The following DCC variants were observed in gnomAD, a reference collection of about 807,000 sequenced individuals.
DCC encodes netrin receptor DCC.
DCC carries 58 observed loss-of-function variants against 172.5 expected under a neutral mutation model. The observed-to-expected ratio is 0.34, with a 90% CI of 0.27 to 0.42. The LOEUF is 0.42. DCC is among the 10% of genes least tolerant of loss of function. The pLI is 1.00. For synonymous variants in DCC, 709 were observed against 644.5 expected, an observed-to-expected ratio of 1.10 and a Z score of -1.52; for missense variants, 1,740 against 1,791.0, an observed-to-expected ratio of 0.97 and a Z score of 0.51.
chr18:52,439,957 G>A lies in DCC; in HGVS notation c.91+99079G>A, dbSNP rs1010993936. Among the ~76,000 whole-genome samples the A allele has an allele frequency of 5.3e-5, 8 of 152,328 alleles. No individual in the cohort carries two copies. In the East Asian group the frequency reaches 1.5e-3, roughly 29 times the overall value. The stretch of plus-strand genomic sequence containing the variant: ...GGTATAAGGAAATAAACGGGGCATA[G>A]CTGTTTTCCCAGGAAGGAAGGCACA... On this transcript the variant is annotated intron_variant, in intron 1 of 28. Transcript: ENST00000442544.
chr18:52,745,692 T>C (rs2036895829), intron 1 of DCC, among the ~76,000 whole-genome samples: 1 of 152,206 alleles, frequency 6.6e-6, no homozygotes, highest in South Asian at 2.1e-4. Flanking sequence ...ACCAAATTAT[T>C]GTTAACTTTA....
intron 1 of DCC, among the ~76,000 whole-genome samples, chr18:52,458,765 G>A (rs1988536638): frequency 6.6e-6 from 1 of 152,152 alleles, no homozygotes; most frequent in Admixed American, 6.5e-5. Flanking sequence ...AACAGGCATT[G>A]TGCTACATAC....
At chr18:52,904,911 TTTCA>T (rs1209760126) in intron 2 of DCC, among the ~76,000 whole-genome samples, 1 of 152,198 alleles carries the variant, frequency 6.6e-6, no homozygotes, top group African/African-American at 2.4e-5. Context: ...GCCAGTGGTC[TTTCA>T]TTGATGGCAC....
chr18:53,332,596 A>G (rs1461047403), intron 14 of DCC, among the ~76,000 whole-genome samples: 1 of 152,158 alleles, frequency 6.6e-6, no homozygotes, highest in Non-Finnish European at 1.5e-5. Context: ...ATACAAATCA[A>G]TAAGTAAATA....
intron 1 of DCC, among the ~76,000 whole-genome samples, chr18:52,737,792 C>T (rs1303062101): frequency 6.6e-6 from 1 of 152,138 alleles, no homozygotes; most frequent in Non-Finnish European, 1.5e-5. Flanking sequence ...CGATGAAGAA[C>T]TTCACCTGGA....
chr18:53,306,000 A>G (rs1054531250), intron 13 of DCC, among the ~76,000 whole-genome samples: 5 of 152,226 alleles, frequency 3.3e-5, no homozygotes, highest in Non-Finnish European at 5.9e-5. Flanking sequence ...AGCATCTGTT[A>G]TCTAAAAACT....
At chr18:52,777,560 A>G (rs1420755563) in intron 2 of DCC, among the ~76,000 whole-genome samples, 1 of 152,180 alleles carries the variant, frequency 6.6e-6, no homozygotes, top group East Asian at 1.9e-4. Context: ...TTTAAAAGAA[A>G]TAAGGTAACA....
chr18:53,517,999 T>C (rs1274031756), intron 27 of DCC, among the ~76,000 whole-genome samples: 1 of 152,162 alleles, frequency 6.6e-6, no homozygotes, highest in East Asian at 1.9e-4. Context: ...TATCTTTTAT[T>C]TCTCCCATGC....
At chr18:53,470,196 G>C (rs561877385) in intron 25 of DCC, among the ~76,000 whole-genome samples, 2 of 152,098 alleles carry the variant, frequency 1.3e-5, no homozygotes, top group South Asian at 4.2e-4. Flanking sequence ...TTAAAATGCT[G>C]ATGAATCCTG....
chr18:53,161,158 T>C (rs1311569628), intron 8 of DCC, among the ~76,000 whole-genome samples: 1 of 152,250 alleles, frequency 6.6e-6, no homozygotes, highest in African/African-American at 2.4e-5. Flanking sequence ...TTGAATTGTC[T>C]AACTTCACTC....
At chr18:53,490,689 A>C (rs1406409749) in intron 26 of DCC, among the ~76,000 whole-genome samples, 1 of 152,146 alleles carries the variant, frequency 6.6e-6, no homozygotes, top group East Asian at 1.9e-4. Context: ...CCACTAAGCC[A>C]ATTTGTTTTG....
intron 3 of DCC, among the ~76,000 whole-genome samples, chr18:52,907,459 C>T (rs182113288): frequency 6.6e-6 from 1 of 151,824 alleles, no homozygotes; most frequent in African/African-American, 2.4e-5. Flanking sequence ...ACTCTGTTGC[C>T]CAGGCTGAAT....
intron 2 of DCC, among the ~76,000 whole-genome samples, chr18:52,896,069 G>A (rs1012444178): frequency 6.6e-6 from 1 of 152,148 alleles, no homozygotes; most frequent in Non-Finnish European, 1.5e-5. Flanking sequence ...ACAGGTGTGA[G>A]CCACTGCACC....
chr18:53,149,728 C>A (rs903432652), intron 7 of DCC, among the ~76,000 whole-genome samples: 7 of 152,208 alleles, frequency 4.6e-5, no homozygotes, highest in African/African-American at 1.7e-4. Flanking sequence ...TAATATTTTT[C>A]TCCTCCTTTT....
At chr18:52,450,736 A>G (rs1781866624) in intron 1 of DCC, among the ~76,000 whole-genome samples, 1 of 152,176 alleles carries the variant, frequency 6.6e-6, no homozygotes, top group Non-Finnish European at 1.5e-5. Flanking sequence ...TGTAGTAGAT[A>G]CTCAATAAAT....
At chr18:53,338,579 C>T (rs530378528) in intron 14 of DCC, among the ~76,000 whole-genome samples, 25 of 152,148 alleles carry the variant, frequency 1.6e-4, no homozygotes, top group East Asian at 7.7e-4. Flanking sequence ...CTAGCCTGGG[C>T]GACAGAGTGA....
chr18:52,358,156 C>A (rs568323625), intron 1 of DCC, among the ~76,000 whole-genome samples: 1 of 152,236 alleles, frequency 6.6e-6, no homozygotes, highest in African/African-American at 2.4e-5. Flanking sequence ...AAACACCTGA[C>A]CATATTCCTT....
At chr18:52,530,227 CAT>C (rs2032107713) in intron 1 of DCC, among the ~76,000 whole-genome samples, 1 of 152,152 alleles carries the variant, frequency 6.6e-6, no homozygotes, top group African/African-American at 2.4e-5. Context: ...AGGAATGGTA[CAT>C]GTTTTACACA....
intron 12 of DCC, among the ~76,000 whole-genome samples, chr18:53,256,361 C>T (rs999434220): frequency 4.6e-5 from 7 of 152,170 alleles, no homozygotes; most frequent in Admixed American, 4.6e-4. Flanking sequence ...ACATGTAGGT[C>T]TTTAATCCAT....
Sources: gnomAD v4.1 joint callset for allele counts (sites outside exome capture counted in the v4.1 genomes callset) on GRCh38, gnomAD v4.1.1 for gene constraint, MANE v1.5 for transcripts, NCBI Gene and HGNC (gene_info 2026-07-23, HGNC 2026-07-21) for gene names.